ADAMTS19: variants seen among roughly 807,000 people sequenced by gnomAD.
ADAMTS19 encodes A disintegrin and metalloproteinase with thrombospondin motifs 19.
In ADAMTS19, 93 loss-of-function variants were observed where a neutral mutation model predicts 153.3. That is an observed-to-expected ratio of 0.61 (90% CI 0.51 to 0.72). The LOEUF is 0.72. Among genes scored for constraint, ADAMTS19 ranks in the 30% least tolerant of loss-of-function variants. The probability of loss-of-function intolerance (pLI) is 0.00; values close to 1 mark genes in which losing one functional copy is unlikely to be tolerated. For synonymous variants in ADAMTS19, 600 were observed against 556.6 expected, an observed-to-expected ratio of 1.08 and a Z score of -1.10; for missense variants, 1,482 against 1,552.1, an observed-to-expected ratio of 0.95 and a Z score of 0.76.
At chr5:129,623,635 C>T (rs1278930266) in intron 10 of ADAMTS19, among the ~76,000 whole-genome samples, 1 of 152,134 alleles carries the variant, frequency 6.6e-6, no homozygotes, top group Non-Finnish European at 1.5e-5. Flanking sequence ...AAGAGTTGTG[C>T]ACTTATTTGT....
intron 13 of ADAMTS19, among the ~76,000 whole-genome samples, chr5:129,651,324 A>G (rs986315674): frequency 2.0e-5 from 3 of 152,110 alleles, no homozygotes; most frequent in Non-Finnish European, 4.4e-5. Flanking sequence ...AACCCTTCCT[A>G]TTCATGTCCA....
chr5:129,522,326 C>CAT (rs1561549553), intron 3 of ADAMTS19, among the ~76,000 whole-genome samples: 19 of 86,550 alleles, frequency 2.2e-4, no homozygotes, highest in African/African-American at 9.4e-4. Flanking sequence ...TACACACACA[C>CAT]ACACACATAT....
At chr5:129,617,862 T>C (rs1010175108) in intron 8 of ADAMTS19, among the ~76,000 whole-genome samples, 1 of 152,102 alleles carries the variant, frequency 6.6e-6, no homozygotes, top group Non-Finnish European at 1.5e-5. Flanking sequence ...AAAGTGAATT[T>C]AATATAATTA....
chr5:129,664,783 G>T (rs1398477875), intron 15 of ADAMTS19, among the ~76,000 whole-genome samples: 2 of 152,078 alleles, frequency 1.3e-5, no homozygotes, highest in South Asian at 2.1e-4. Context: ...TGCACTAAGT[G>T]AAACTTGAGT....
chr5:129,734,844 T>G (rs1029188115), intron 21 of ADAMTS19, 88 bp from the exon 22 acceptor site: 115 of 1,182,462 alleles, frequency 9.7e-5, no homozygotes, highest in Non-Finnish European at 1.1e-4. Context: ...TTAAGAAACA[T>G]TTAGAGAATG....
In ADAMTS19 at chr5:129,725,697, C is replaced by A. The variant is rs184013051; in HGVS notation, c.3313-9235C>A. Among the ~76,000 whole-genome samples the A allele has an allele frequency of 1.6e-4, 24 of 152,086 alleles. No homozygotes were observed. In the East Asian group the frequency reaches 4.5e-3, roughly 28 times the overall value. On this transcript the variant is annotated intron_variant, in intron 21 of 22. Transcript: ENST00000274487. ...GATGGTCGCCTGACATTCCTGGTTG[C>A]GGGGGAGGGAGAGTCCCACTTCTGC... is the stretch of plus-strand genomic sequence containing the variant.
intron 21 of ADAMTS19, among the ~76,000 whole-genome samples, chr5:129,710,159 T>C (rs1756376355): frequency 6.6e-6 from 1 of 152,120 alleles, no homozygotes; most frequent in East Asian, 1.9e-4. Flanking sequence ...GTGTGTGTTG[T>C]TCCTCTCCCT....
At chr5:129,637,005 T>G (rs1173523979) in intron 10 of ADAMTS19, among the ~76,000 whole-genome samples, 1 of 152,168 alleles carries the variant, frequency 6.6e-6, no homozygotes, top group Non-Finnish European at 1.5e-5. Context: ...TTTAGCTGAG[T>G]TCAGGAGTGT....
chr5:129,460,582 C>T, intron 1 of ADAMTS19, 100 bp downstream of exon 1: 10 of 1,341,814 alleles, frequency 7.5e-6, no homozygotes, highest in Non-Finnish European at 8.5e-6. Flanking sequence ...GCGTGGAGAG[C>T]AGGGCTCAGT....
intron 14 of ADAMTS19, among the ~76,000 whole-genome samples, chr5:129,655,280 A>C (rs562571528): frequency 6.6e-6 from 1 of 152,134 alleles, no homozygotes; most frequent in South Asian, 2.1e-4. Flanking sequence ...TTGGTGAGAA[A>C]ATCAGGCCAT....
At chr5:129,720,253 C>A (rs1226199225) in intron 21 of ADAMTS19, among the ~76,000 whole-genome samples, 1 of 150,408 alleles carries the variant, frequency 6.6e-6, no homozygotes, top group Non-Finnish European at 1.5e-5. Flanking sequence ...CTCACTGCAA[C>A]CTCCGCCTCC....
At chr5:129,512,166 A>G (rs1437295784) in intron 3 of ADAMTS19, among the ~76,000 whole-genome samples, 1 of 152,056 alleles carries the variant, frequency 6.6e-6, no homozygotes, top group Non-Finnish European at 1.5e-5. Flanking sequence ...TCTAAGACTC[A>G]GTAGGAAAAG....
chr5:129,602,381 G>A (rs189226555), intron 8 of ADAMTS19, among the ~76,000 whole-genome samples: 7 of 152,084 alleles, frequency 4.6e-5, no homozygotes, highest in Non-Finnish European at 2.9e-5. Context: ...CTTCGCACCC[G>A]GCCTTACACA....
At chr5:129,652,491 G>C (rs1225241196) in intron 13 of ADAMTS19, among the ~76,000 whole-genome samples, 5 of 152,152 alleles carry the variant, frequency 3.3e-5, no homozygotes, top group Admixed American at 3.3e-4. Flanking sequence ...TGAAATCCAT[G>C]TCTATTGCAT....
Position 129,461,738 on chromosome 5 carries a change from G to T in ADAMTS19, c.728G>T (p.Ser243Ile). ...CACCCTGGCTCGCTGGCTTCTTTCA[G>T]CACCTGTGGAGGTGGCCTGGTAAGC... The part of the protein sequence containing the change: ...LRHPGSLASF[S>I]TCGGGLMGFI... Residue 243 changes from serine (S) to isoleucine (I), a missense_variant, in exon 2 of 23, where the codon AGC becomes ATC. Physicochemically the swap from Ser to Ile is moderately radical, Grantham distance 142 (BLOSUM62 -2). Transcript: ENST00000274487. This position sits in a 1 kb window ranked among gnomAD's most constrained non-coding sequence, Gnocchi z 4.6. 6.6e-7 allele frequency: 1 copy of T among 1,513,624 alleles called. No individual in the cohort carries two copies. Among genetic ancestry groups the T allele is most frequent in the Non-Finnish European group, 8.8e-7 (1 of 1,136,598 alleles). The allele number at this position is 1,513,624 out of a possible 1,614,324, so 93.8% of individuals were successfully genotyped here.
chr5:129,521,275 A>G (rs1180532417), intron 3 of ADAMTS19, among the ~76,000 whole-genome samples: 1 of 152,182 alleles, frequency 6.6e-6, no homozygotes, highest in East Asian at 1.9e-4. Flanking sequence ...TACCGAGAGC[A>G]CAGAGTATAC....
rs541564179 is a variant in ADAMTS19 at position 129,467,313 on chromosome 5, G to A, written c.747+5556G>A. 7.2e-5 allele frequency among the ~76,000 whole-genome samples: 11 copies of A among 152,266 alleles called. No individual in the cohort carries two copies. The East Asian group carries it at 1.9e-3, about 27-fold the overall frequency. On this transcript the variant is annotated intron_variant, in intron 2 of 22. Transcript: ENST00000274487. ...GATTTTGTTGATATAACCAAGATTA[G>A]TTAGGGAGAGGTTAAGAGACCAGTG...
In ADAMTS19 at chr5:129,658,321, G is replaced by GAAAGAAAGAAAGAA. The variant is rs1491561212; in HGVS notation, c.2305-294_2305-281dup. On this transcript the variant is annotated intron_variant, in intron 14 of 22. Coordinates refer to ENST00000274487, the MANE Select transcript of ADAMTS19 (RefSeq NM_133638.6). ...AAAGAAAGAAAGAAAAAGAAAGAAA[G>GAAAGAAAGAAAGAA]AAAGAAAGAAAGAAAGAAAGAAAGA... 8.0e-3 allele frequency among the ~76,000 whole-genome samples: 687 copies of GAAAGAAAGAAAGAA among 86,396 alleles called. 4 individuals carry two copies. The highest frequency in any genetic ancestry group is 0.036 in the South Asian group (71 of 1,972). The allele number at this position is 86,396 out of a possible 152,430, so 56.7% of individuals were successfully genotyped here.
Position 129,622,221 on chromosome 5 carries a change from T to A in ADAMTS19, c.1643T>A (p.Leu548Gln), listed in dbSNP as rs776182628. ...FLRSKASNCL[L>Q]QTNPQSVNSV... Reference sequence around the variant, plus strand: ...AGGTCAAAGGCCAGTAACTGCTTGCTACAAACAAATCCGCAGAGTGTCAAT... The same window carrying A: ...AGGTCAAAGGCCAGTAACTGCTTGCAACAAACAAATCCGCAGAGTGTCAAT... The change falls in exon 10 of 23, where the codon CTA (leucine) becomes CAA (glutamine). Residue 548 changes from leucine (L) to glutamine (Q), a missense_variant. Physicochemically the swap from Leu to Gln is moderately radical, Grantham distance 113. Around this residue, in one of 2 missense-constraint regions of ADAMTS19, gnomAD observed 866 missense variants for 827.7 expected, o/e 1.05. Coordinates refer to ENST00000274487, the MANE Select transcript of ADAMTS19 (RefSeq NM_133638.6). 1.9e-6 allele frequency: 3 copies of A among 1,614,012 alleles called. No homozygotes were observed. Among genetic ancestry groups the A allele is most frequent in the South Asian group, 1.1e-5 (1 of 91,092 alleles).
Sources: allele counts gnomAD v4.1 joint callset (sites outside exome capture counted in the v4.1 genomes callset), GRCh38; gene constraint gnomAD v4.1.1; regional missense constraint gnomAD v4.1.1; non-coding constraint Gnocchi (gnomAD v3.1); transcripts MANE v1.5; gene names NCBI Gene and HGNC (gene_info 2026-07-23, HGNC 2026-07-21).